Variants in SORCS1 observed in about 807,000 individuals in gnomAD.
SORCS1 encodes the protein sortilin related VPS10 domain containing receptor 1.
A neutral mutation model predicts 146.1 loss-of-function variants in SORCS1; 60 were observed. That is an observed-to-expected ratio of 0.41 (90% CI 0.33 to 0.51). The LOEUF (loss-of-function observed/expected upper bound fraction) is 0.51. Ranked by LOEUF, SORCS1 falls within the 20% of genes least tolerant of loss-of-function variation. The pLI is 0.21. For synonymous variants in SORCS1, 637 were observed against 584.0 expected (o/e 1.09, Z -1.31); for missense variants, 1,352 against 1,487.6 (o/e 0.91, Z 1.50).
intron 4 of SORCS1, among the ~76,000 whole-genome samples, chr10:106,775,552 A>G (rs1860366679): frequency 6.6e-6 from 1 of 152,244 alleles, no homozygotes; most frequent in African/African-American, 2.4e-5. Flanking sequence ...AAAATGCCAC[A>G]TATCTATGCA....
At chr10:107,093,253 G>A (rs887085539) in intron 1 of SORCS1, among the ~76,000 whole-genome samples, 1 of 152,162 alleles carries the variant, frequency 6.6e-6, no homozygotes, top group Non-Finnish European at 1.5e-5. Flanking sequence ...CGACAGTGCT[G>A]CATCCCTGGT....
chr10:106,706,050 C>T (rs1167311681), intron 8 of SORCS1, among the ~76,000 whole-genome samples: 1 of 152,150 alleles, frequency 6.6e-6, no homozygotes, highest in African/African-American at 2.4e-5. Flanking sequence ...AGCTGTTGCA[C>T]TGATACATAA....
chr10:107,061,144 T>G (rs1961177162), intron 1 of SORCS1, among the ~76,000 whole-genome samples: 1 of 152,188 alleles, frequency 6.6e-6, no homozygotes, highest in Non-Finnish European at 1.5e-5. Context: ...CAAAGTAATC[T>G]GATGGTGTTT....
chr10:106,591,027 G>A (rs941259589), intron 24 of SORCS1, among the ~76,000 whole-genome samples: 18 of 152,306 alleles, frequency 1.2e-4, no homozygotes, highest in South Asian at 4.1e-4. Flanking sequence ...GAGGACAAGG[G>A]AGGCATCACA....
At chr10:106,813,354 A>C (rs918661642) in intron 3 of SORCS1, among the ~76,000 whole-genome samples, 11 of 151,300 alleles carry the variant, frequency 7.3e-5, no homozygotes, top group Non-Finnish European at 1.5e-4. Flanking sequence ...GGCTGTTCTC[A>C]AACTTCTGAC....
chr10:107,136,357 A>G (rs1288643940), intron 1 of SORCS1, among the ~76,000 whole-genome samples: 2 of 152,222 alleles, frequency 1.3e-5, no homozygotes, highest in African/African-American at 4.8e-5. Flanking sequence ...AGCTCAAACA[A>G]TAAGTCTTTA....
chr10:106,632,428 C>T (rs188645946), intron 18 of SORCS1, among the ~76,000 whole-genome samples: 1 of 152,276 alleles, frequency 6.6e-6, no homozygotes, highest in East Asian at 1.9e-4. Context: ...TTCCGGTGTT[C>T]CTGGGCTCAA....
chr10:106,802,561 T>C (rs1946957618), intron 3 of SORCS1, among the ~76,000 whole-genome samples: 1 of 151,802 alleles, frequency 6.6e-6, no homozygotes, highest in Admixed American at 6.6e-5. Flanking sequence ...TACAGTGGCA[T>C]GATATTGGCA....
chr10:106,726,855 G>A (rs1335396128), intron 6 of SORCS1, among the ~76,000 whole-genome samples: 2 of 152,110 alleles, frequency 1.3e-5, no homozygotes, highest in African/African-American at 4.8e-5. Context: ...GGGAGGCCGA[G>A]ACGGGCGGAT....
At chr10:106,634,434 T>C (rs4918244) in intron 18 of SORCS1, among the ~76,000 whole-genome samples, 114,832 of 152,154 alleles carry the variant, frequency 0.75, 44,634 homozygotes, top group Non-Finnish European at 0.85. Flanking sequence ...ATGTTTGATA[T>C]AACAGAAAAA....
upstream of SORCS1, among the ~76,000 whole-genome samples, chr10:107,166,486 G>T (rs1970055156): frequency 6.6e-6 from 1 of 152,174 alleles, no homozygotes. Context: ...TGTCCTGTTT[G>T]TCGTTAAAGA....
intron 1 of SORCS1, among the ~76,000 whole-genome samples, chr10:107,011,301 A>G (rs778017533): frequency 1.3e-5 from 2 of 152,212 alleles, no homozygotes; most frequent in Non-Finnish European, 2.9e-5. Context: ...TCTTATGCCA[A>G]TGCCGCCTCC....
intron 1 of SORCS1, among the ~76,000 whole-genome samples, chr10:107,080,448 A>G (rs1316720086): frequency 6.6e-6 from 1 of 152,192 alleles, no homozygotes; most frequent in Admixed American, 6.5e-5. Context: ...TTTTGTCCTC[A>G]GGTTAAAAAA....
rs994858114 is a variant in SORCS1 at position 106,896,454 on chromosome 10, A to C, written c.626+60059T>G. Reference sequence around the variant, plus strand: ...AAAAAAAAAAAAAAAAAAAGAAATGAAAAGTAGAATAGTGGCTCCTAGGGA... The same window carrying C: ...AAAAAAAAAAAAAAAAAAAGAAATGCAAAGTAGAATAGTGGCTCCTAGGGA... On this transcript the variant is annotated intron_variant, in intron 2 of 25. Coordinates refer to ENST00000263054, the MANE Select transcript of SORCS1 (RefSeq NM_052918.5). Among the ~76,000 whole-genome samples, 7 of 150,950 alleles carry C rather than the reference A, an allele frequency of 4.6e-5. 1 individual carries two copies. Among genetic ancestry groups the C allele is most frequent in the Admixed American group, 4.6e-4 (7 of 15,106 alleles).
intron 1 of SORCS1, among the ~76,000 whole-genome samples, chr10:107,137,062 G>A (rs1301300349): frequency 1.3e-5 from 2 of 152,204 alleles, no homozygotes; most frequent in African/African-American, 2.4e-5. Context: ...CTCTGTGGTC[G>A]TAAGGCTCCC....
rs1853026903 is a variant in SORCS1 at position 106,688,327 on chromosome 10, T to C, written c.1425A>G (p.Ile475Met). 1 of 1,613,148 alleles carries C rather than the reference T, an allele frequency of 6.2e-7. No individual in the cohort carries two copies. Among genetic ancestry groups the C allele is most frequent in the African/African-American group, 1.3e-5 (1 of 74,894 alleles). ...TCTTGTTAGCCAAGAACATTCCCTT[T>C]ATCCCTGCTACCTGGGAAAAATTGA... ...IMIDLYEVAGIKGMFLANKKI... is the reference protein window; with the variant it reads ...IMIDLYEVAGMKGMFLANKKI... Residue 475 changes from isoleucine to methionine, a missense_variant, in exon 10 of 26, where the codon ATA (isoleucine) becomes ATG (methionine). Physicochemically the swap from Ile to Met is conservative, Grantham distance 10. Around this residue, in one of 3 missense-constraint regions of SORCS1, gnomAD observed 648 missense variants for 793.8 expected, o/e 0.82. Transcript: ENST00000263054.
intron 1 of SORCS1, among the ~76,000 whole-genome samples, chr10:107,007,151 C>T (rs1218118859): frequency 6.6e-6 from 1 of 152,212 alleles, no homozygotes; most frequent in Non-Finnish European, 1.5e-5. Flanking sequence ...TCAAAAGGTT[C>T]ATTGACTATG....
intron 2 of SORCS1, among the ~76,000 whole-genome samples, chr10:106,840,841 TTATA>T (rs1292497131): frequency 8.8e-6 from 1 of 113,862 alleles, no homozygotes; most frequent in African/African-American, 3.5e-5. Flanking sequence ...TTTAGTTATA[TTATA>T]TATATATATA....
chr10:106,924,658 C>A (rs1952910749), intron 2 of SORCS1, among the ~76,000 whole-genome samples: 3 of 151,108 alleles, frequency 2.0e-5, no homozygotes, highest in Admixed American at 6.6e-5. Flanking sequence ...TCCTCACTTT[C>A]TATTTTTACA....
Sources: gnomAD v4.1 joint callset for allele counts (sites outside exome capture counted in the v4.1 genomes callset) on GRCh38, gnomAD v4.1.1 for gene constraint, gnomAD v4.1.1 regional missense constraint, MANE v1.5 for transcripts, NCBI Gene and HGNC (gene_info 2026-07-23, HGNC 2026-07-21) for gene names.